Variants in FARP2 observed in about 807,000 individuals in gnomAD.
FARP2 encodes the protein FERM, ARH/RhoGEF and pleckstrin domain protein 2.
Under a neutral mutation model 130.5 loss-of-function variants are expected in FARP2, and 111 were observed. That is an observed-to-expected ratio of 0.85 (90% CI 0.73 to 1.00). FARP2 has a LOEUF of 1.00. FARP2 is among the 50% of genes least tolerant of loss of function. The pLI is 0.00. For synonymous variants in FARP2, 504 were observed against 516.9 expected, an observed-to-expected ratio of 0.98 and a Z score of 0.34; for missense variants, 1,385 against 1,346.3, an observed-to-expected ratio of 1.03 and a Z score of -0.45.
intron 22 of FARP2, among the ~76,000 whole-genome samples, chr2:241,490,830 C>G (rs13405290): frequency 0.14 from 21,867 of 152,216 alleles, 1,662 homozygotes; most frequent in Admixed American, 0.16. Context: ...GGGGCCCTGC[C>G]CTGGCACCCA....
intron 1 of FARP2, chr2:241,372,700 G>A (rs2150300188): frequency 6.5e-6 from 1 of 153,812 alleles, no homozygotes; most frequent in South Asian, 2.1e-4. Flanking sequence ...TGGGCTGGTG[G>A]CGAGAGGTGT....
intron 17 of FARP2, 117 bp from the exon 18 acceptor site, chr2:241,468,023 G>A (rs1385232977): frequency 1.3e-6 from 1 of 764,254 alleles, no homozygotes; most frequent in East Asian, 2.4e-5. Flanking sequence ...CTGGGCCACT[G>A]GTCCATTTGC....
intron 16 of FARP2, 83 bp from the exon 17 acceptor site, chr2:241,463,816 G>A (rs985477863): frequency 2.5e-6 from 3 of 1,218,642 alleles, no homozygotes; most frequent in Non-Finnish European, 3.6e-6. Context: ...CTGGAACCAA[G>A]GCAGCTGTCA....
intron 2 of FARP2, among the ~76,000 whole-genome samples, chr2:241,402,459 T>G (rs768640688): frequency 1.1e-4 from 17 of 152,204 alleles, no homozygotes; most frequent in Non-Finnish European, 2.2e-4. Context: ...TTTTCCATTG[T>G]GATTCTAGAT....
At chr2:241,435,710 A>T (rs1371470262) in intron 11 of FARP2, among the ~76,000 whole-genome samples, 1 of 149,842 alleles carries the variant, frequency 6.7e-6, no homozygotes, top group Non-Finnish European at 1.5e-5. Context: ...ATGGGGTTTC[A>T]CTGTGTTAGC....
Position 241,417,988 on chromosome 2 carries a change from T to G in FARP2, c.650T>G (p.Phe217Cys). Residue 217 changes from phenylalanine to cysteine, a missense_variant, in exon 8 of 27, where the codon TTC (phenylalanine) becomes TGC (cysteine). Phe to Cys is a radical substitution (Grantham distance 205). Coordinates refer to ENST00000264042, the MANE Select transcript of FARP2 (RefSeq NM_014808.4). ...HVGQTPAESDFQVLEIARKLE... is the reference protein window; with the variant it reads ...HVGQTPAESDCQVLEIARKLE... Reference sequence around the variant, plus strand: ...GGCCAGACACCTGCTGAGTCGGATTTCCAGGTGCTCGAAATTGCTCGAAAG... The same window carrying G: ...GGCCAGACACCTGCTGAGTCGGATTGCCAGGTGCTCGAAATTGCTCGAAAG... 2 of 1,614,218 alleles carry G rather than the reference T, an allele frequency of 1.2e-6. No homozygotes were observed. The highest frequency in any genetic ancestry group is 1.7e-6 in the Non-Finnish European group (2 of 1,180,050).
intron 2 of FARP2, among the ~76,000 whole-genome samples, chr2:241,403,314 A>G (rs1319142088): frequency 6.6e-6 from 1 of 152,018 alleles, no homozygotes; most frequent in Non-Finnish European, 1.5e-5. Context: ...TTGCAAGTTC[A>G]AGCAATCCTC....
At chr2:241,461,481 G>A (rs970967728) in intron 14 of FARP2, among the ~76,000 whole-genome samples, 1 of 152,188 alleles carries the variant, frequency 6.6e-6, no homozygotes, top group South Asian at 2.1e-4. Context: ...CATTGCTCCA[G>A]CCCCTTGACC....
intron 4 of FARP2, among the ~76,000 whole-genome samples, chr2:241,406,478 G>A (rs371540614): frequency 4.0e-4 from 60 of 151,896 alleles, no homozygotes; most frequent in African/African-American, 1.4e-3. Flanking sequence ...GGGCAATCTC[G>A]TTCTGTCACC....
intron 8 of FARP2, among the ~76,000 whole-genome samples, chr2:241,429,398 T>G (rs1341723796): frequency 1.3e-5 from 2 of 152,168 alleles, no homozygotes; most frequent in African/African-American, 4.8e-5. Context: ...AGGGCAGTCA[T>G]TTTGTAGAAT....
At chr2:241,449,289 G>C (rs425324) in intron 13 of FARP2, among the ~76,000 whole-genome samples, 150,924 of 151,684 alleles carry the variant, frequency 0.99, 75,083 homozygotes, top group East Asian at 1. Context: ...AGCGAGACCC[G>C]GTTCTCCAGA....
intron 1 of FARP2, among the ~76,000 whole-genome samples, chr2:241,367,362 G>A (rs1378646073): frequency 6.6e-6 from 1 of 152,284 alleles, no homozygotes; most frequent in East Asian, 1.9e-4. Context: ...TTACTTTACA[G>A]TACAGGTCTT....
intron 1 of FARP2, among the ~76,000 whole-genome samples, chr2:241,362,046 CACCACGCCCAGCCAATTTTTT>C (rs2061199592): frequency 6.6e-6 from 1 of 151,920 alleles, no homozygotes; most frequent in African/African-American, 2.4e-5. Context: ...AGGCACACGC[CACCACGCCCAGCCAATTTTTT>C]TGTATTTTTA....
At chr2:241,370,784 G>A (rs1575461429) in intron 1 of FARP2, among the ~76,000 whole-genome samples, 1 of 152,170 alleles carries the variant, frequency 6.6e-6, no homozygotes, top group African/African-American at 2.4e-5. Context: ...ATTTCATGAT[G>A]TACCAGTTCA....
At position 241,482,944 on chromosome 2, in the gene FARP2, C is replaced by T. The variant is rs553937754; in HGVS notation, c.2263-521C>T. On this transcript the variant is annotated intron_variant, in intron 19 of 26. Coordinates refer to ENST00000264042, the MANE Select transcript of FARP2 (RefSeq NM_014808.4). The surrounding 1 kb of genome is among the most constrained non-coding windows in gnomAD (Gnocchi z 4.6). ...TGAATACTTAGGAGAACCCTCCTTT[C>T]CTCCTCCCATTCTCGAACCTGCTCT... Among the ~76,000 whole-genome samples, 267 of 152,060 alleles carry T rather than the reference C, an allele frequency of 1.8e-3. No individual in the cohort carries two copies. The highest frequency in any genetic ancestry group is 2.7e-3 in the Non-Finnish European group (183 of 67,976).
At chr2:241,387,816 T>G (rs993663181) in intron 2 of FARP2, among the ~76,000 whole-genome samples, 4 of 150,090 alleles carry the variant, frequency 2.7e-5, no homozygotes, top group Non-Finnish European at 5.9e-5. Context: ...AAAAGAAAAT[T>G]GTTTTATTTA....
At chr2:241,441,054 G>A (rs886537191) in intron 12 of FARP2, among the ~76,000 whole-genome samples, 1 of 151,734 alleles carries the variant, frequency 6.6e-6, no homozygotes, top group African/African-American at 2.4e-5. Flanking sequence ...TCTTTATTGT[G>A]GATATTTCAT....
intron 7 of FARP2, among the ~76,000 whole-genome samples, chr2:241,414,832 C>T (rs1440239543): frequency 2.6e-5 from 4 of 152,098 alleles, no homozygotes; most frequent in African/African-American, 7.2e-5. Flanking sequence ...AGGACCTAGG[C>T]GGACAAAGCC....
At chr2:241,399,279 A>G (rs966145948) in intron 2 of FARP2, among the ~76,000 whole-genome samples, 19 of 151,968 alleles carry the variant, frequency 1.3e-4, no homozygotes, top group African/African-American at 4.1e-4. Context: ...AGATCTTTAT[A>G]TATGTTGACT....
Sources: gnomAD v4.1 joint callset for allele counts (sites outside exome capture counted in the v4.1 genomes callset) on GRCh38, gnomAD v4.1.1 for gene constraint, Gnocchi (gnomAD v3.1) non-coding constraint, MANE v1.5 for transcripts, NCBI Gene and HGNC (gene_info 2026-07-23, HGNC 2026-07-21) for gene names.